The following NDUFS1 variants were observed in gnomAD, a reference collection of about 807,000 sequenced individuals.
The protein encoded by NDUFS1 is NADH:ubiquinone oxidoreductase core subunit S1, also known as NADH-ubiquinone oxidoreductase 75 kDa subunit, mitochondrial.
In NDUFS1, 61 loss-of-function variants were observed where a neutral mutation model predicts 84.4. That is an observed-to-expected ratio of 0.72 (90% CI 0.59 to 0.89). The LOEUF is 0.89. NDUFS1 is among the 40% of genes least tolerant of loss of function. The pLI, the probability that NDUFS1 is intolerant of heterozygous loss-of-function variation, is 0.00. For missense variants in NDUFS1, 891 were observed against 890.0 expected (o/e 1.00, Z -0.01); for synonymous variants, 275 against 290.0 (o/e 0.95, Z 0.53).
In NDUFS1 at chr2:206,157,003, G is replaced by A. The variant is rs1687681374; in HGVS notation, c.-5+2338C>T. On this transcript the variant is annotated intron_variant, in intron 1 of 18. Transcript: ENST00000233190. ...GACAGAGTCTCACTCTGTCACCCAG[G>A]TTGTAGTGCAATGGTGTGATCTTGA... Among the ~76,000 whole-genome samples the A allele has an allele frequency of 2.0e-5, 3 of 152,334 alleles. No individual in the cohort carries two copies. The South Asian group carries it at 6.2e-4, about 32-fold the overall frequency.
At position 206,149,029 on chromosome 2, in the gene NDUFS1, T is replaced by A; in HGVS notation, c.329A>T (p.Lys110Ile). Residue 110 changes from lysine (K) to isoleucine (I), a missense_variant, in exon 5 of 19, where the codon AAA (lysine) becomes ATA (isoleucine). Lys to Ile is a moderately radical substitution (Grantham distance 102). Transcript: ENST00000233190. ...WNILTNSEKS[K>I]KAREGVMEFL... ...AATAACAATAAAGTACCTGGCTTTT[T>A]TGGATTTTTCTGAGTTTGTTAGGAT... The A allele has an allele frequency of 6.2e-7, 1 of 1,610,956 alleles. No individual in the cohort carries two copies. The highest frequency in any genetic ancestry group is 1.1e-5 in the South Asian group (1 of 91,030).
intron 1 of NDUFS1, among the ~76,000 whole-genome samples, chr2:206,156,059 C>A (rs1240767487): frequency 6.6e-6 from 1 of 150,904 alleles, no homozygotes; most frequent in Non-Finnish European, 1.5e-5. Context: ...GTCAAGAGAT[C>A]GAAACCATCC....
At chr2:206,132,484 A>C (rs1479871381) in intron 14 of NDUFS1, among the ~76,000 whole-genome samples, 2 of 152,132 alleles carry the variant, frequency 1.3e-5, no homozygotes, top group Non-Finnish European at 2.9e-5. Context: ...AATACTTGGG[A>C]GGCAGGGGTG....
chr2:206,124,498 G>A (rs1444788152), intron 18 of NDUFS1, among the ~76,000 whole-genome samples: 1 of 152,046 alleles, frequency 6.6e-6, no homozygotes, highest in Non-Finnish European at 1.5e-5. Context: ...AGAGCAGCTA[G>A]ACAGTGCACC....
intron 1 of NDUFS1, 80 bp downstream of exon 1, chr2:206,159,261 T>C (rs1168222281): frequency 3.3e-6 from 3 of 903,998 alleles, no homozygotes; most frequent in Non-Finnish European, 5.2e-6. Flanking sequence ...CTACGTCGCG[T>C]GGGCCAAAGG....
intron 10 of NDUFS1, among the ~76,000 whole-genome samples, chr2:206,143,364 C>CT (rs1462729456): frequency 6.6e-6 from 1 of 152,146 alleles, no homozygotes; most frequent in Non-Finnish European, 1.5e-5. Flanking sequence ...TAGAAGGAAG[C>CT]TGTTTTATAT....
Position 206,159,246 on chromosome 2 carries a change from G to A in NDUFS1, c.-5+95C>T, listed in dbSNP as rs990144445. On this transcript the variant is annotated intron_variant, in intron 1 of 18. Transcript: ENST00000233190. ...AGGCGGCGCCCAGTCAAGGACAACAGAAGACTACGTCGCGTGGGCCAAAGG... is the reference window on the plus strand; with the variant it reads ...AGGCGGCGCCCAGTCAAGGACAACAAAAGACTACGTCGCGTGGGCCAAAGG... 8 of 1,044,852 alleles carry A rather than the reference G, an allele frequency of 7.7e-6. No individual in the cohort carries two copies. The Admixed American group carries it at 8.0e-5, about 10-fold the overall frequency. The allele number at this position is 1,044,852 out of a possible 1,614,324, so 64.7% of individuals were successfully genotyped here. A position where few individuals can be genotyped will look rare whatever the true frequency, so the allele number is the denominator to read the frequency against.
At chr2:206,143,939 T>C in intron 10 of NDUFS1, 79 bp downstream of exon 10, 1 of 1,143,614 alleles carries the variant, frequency 8.7e-7, no homozygotes, top group Non-Finnish European at 1.3e-6. Flanking sequence ...AGGGAAGAAA[T>C]ATACATCCCC....
chr2:206,141,539 AAAAAATAAAAAAT>A (rs1014343395), intron 12 of NDUFS1, among the ~76,000 whole-genome samples: 1 of 148,240 alleles, frequency 6.7e-6, no homozygotes. Context: ...CTCAAAGACA[AAAAAATAAAAAAT>A]AAAAATAAAA....
Position 206,120,070 on chromosome 2 carries a change from C to A in NDUFS1, c.*4115G>T, listed in dbSNP as rs1691055234. The stretch of plus-strand genomic sequence containing the variant: ...CTCCTCTCTCTTGCTCCCTCTCTCA[C>A]CATGTGATATGCTCGCTCCCATTTT... On this transcript the variant is annotated 3_prime_UTR_variant, in exon 19 of 19. Coordinates refer to ENST00000233190, the MANE Select transcript of NDUFS1 (RefSeq NM_005006.7). 1 of 152,330 alleles carries A rather than the reference C, an allele frequency of 6.6e-6. No homozygotes were observed. 9.4% of individuals were successfully genotyped at this position (152,330 alleles called of 1,614,324 possible).
chr2:206,130,683 T>C (rs1471668366), intron 14 of NDUFS1, among the ~76,000 whole-genome samples: 1 of 152,132 alleles, frequency 6.6e-6, no homozygotes, highest in Non-Finnish European at 1.5e-5. Flanking sequence ...CCATTTAAAA[T>C]AGATGCTAAA....
intron 11 of NDUFS1, 129 bp downstream of exon 11, chr2:206,142,557 G>T: frequency 1.7e-6 from 2 of 1,161,610 alleles, no homozygotes; most frequent in Non-Finnish European, 2.5e-6. Context: ...ACAACTTCTG[G>T]TTTGATCTTG....
In NDUFS1 at chr2:206,152,359, A is replaced by G. The variant is rs981104374; in HGVS notation, c.153+60T>C. On this transcript the variant is annotated intron_variant, in intron 3 of 18. Coordinates refer to ENST00000233190, the MANE Select transcript of NDUFS1 (RefSeq NM_005006.7). ...TACTAATAATCAGTATAAAGGAAAT[A>G]AATTAGTATTTTTAAAAAAATCAGA... The G allele has an allele frequency of 1.5e-5, 18 of 1,237,810 alleles. No individual in the cohort carries two copies. In the African/African-American group the frequency reaches 2.7e-4, roughly 19 times the overall value. The allele number at this position is 1,237,810 out of a possible 1,614,324, so 76.7% of individuals were successfully genotyped here.
At chr2:206,139,773 G>C (rs1327827219) in intron 12 of NDUFS1, among the ~76,000 whole-genome samples, 1 of 145,704 alleles carries the variant, frequency 6.9e-6, no homozygotes, top group Non-Finnish European at 1.5e-5. Context: ...CACTCCCGTA[G>C]TTTAGACAAT....
chr2:206,150,009 C>T (rs548056865), intron 3 of NDUFS1, 84 bp from the exon 4 acceptor site: 3 of 859,688 alleles, frequency 3.5e-6, no homozygotes, highest in African/African-American at 1.9e-5. Context: ...CACACACATA[C>T]AGCATCTTAT....
chr2:206,147,488 T>C (rs182482028), intron 7 of NDUFS1, 43 bp downstream of exon 7: 61 of 1,552,006 alleles, frequency 3.9e-5, no homozygotes, highest in African/African-American at 3.8e-4. Flanking sequence ...CTATTAAGTA[T>C]ACAATTATAT....
At position 206,127,895 on chromosome 2, in the gene NDUFS1, A is replaced by AT. The variant is rs1253339085; in HGVS notation, c.1785dup (p.Tyr596IlefsTer5). 1 of 1,614,168 alleles carries AT rather than the reference A, an allele frequency of 6.2e-7. No individual in the cohort carries two copies. The highest frequency in any genetic ancestry group is 1.1e-5 in the South Asian group (1 of 91,084). On this transcript the variant is annotated frameshift_variant, in exon 16 of 19. Coordinates refer to ENST00000233190, the MANE Select transcript of NDUFS1 (RefSeq NM_005006.7). LOFTEE classifies it high-confidence loss of function. ...TGAGCTCTACCCTCAGTGTTGACATATGTAGCAGACTTCTCTGTGTAAGCA... is the reference window on the plus strand; with the variant it reads ...TGAGCTCTACCCTCAGTGTTGACATATTGTAGCAGACTTCTCTGTGTAAGCA...
chr2:206,158,208 C>T (rs1001271223), intron 1 of NDUFS1, among the ~76,000 whole-genome samples: 8 of 152,020 alleles, frequency 5.3e-5, no homozygotes, highest in Admixed American at 1.3e-4. Flanking sequence ...GTGATCCGCC[C>T]GCCTCGGCCT....
At chr2:206,132,852 G>A (rs1427424645) in intron 14 of NDUFS1, 93 bp downstream of exon 14, 3 of 1,175,970 alleles carry the variant, frequency 2.6e-6, no homozygotes, top group Non-Finnish European at 1.2e-6. Context: ...GCTAAATGTT[G>A]TTTGTAAATT....
Sources: allele counts gnomAD v4.1 joint callset (sites outside exome capture counted in the v4.1 genomes callset), GRCh38; gene constraint gnomAD v4.1.1; transcripts MANE v1.5; gene names NCBI Gene and HGNC (gene_info 2026-07-23, HGNC 2026-07-21).